Variants in CAMKMT observed in about 807,000 individuals in gnomAD.
The protein encoded by CAMKMT is calmodulin-lysine N-methyltransferase.
In CAMKMT, 53 loss-of-function variants were observed where a neutral mutation model predicts 48.0. The observed-to-expected ratio is 1.10, with a 90% CI of 0.89 to 1.39. CAMKMT has a LOEUF of 1.39. CAMKMT is among the 40% of genes most tolerant of loss of function. The probability of loss-of-function intolerance (pLI) is 0.00; values close to 1 mark genes in which losing one functional copy is unlikely to be tolerated. For synonymous variants in CAMKMT, 165 were observed against 152.3 expected (o/e 1.08, Z -0.61); for missense variants, 428 against 402.7 (o/e 1.06, Z -0.54).
chr2:44,657,064 G>A lies in CAMKMT; in HGVS notation c.377-47219G>A, dbSNP rs1674420440. On this transcript the variant is annotated intron_variant, in intron 3 of 10. Coordinates refer to ENST00000378494, the MANE Select transcript of CAMKMT (RefSeq NM_024766.5). The surrounding 1 kb of genome is among the most constrained non-coding windows in gnomAD (Gnocchi z 4.3). ...GTCACATTAATGTGTTTAACAGGTT[G>A]TTTCAGATATCCTTCAGATATCTGA... Among the ~76,000 whole-genome samples the A allele has an allele frequency of 6.6e-6, 1 of 152,174 alleles. No individual in the cohort carries two copies. The highest frequency in any genetic ancestry group is 1.5e-5 in the Non-Finnish European group (1 of 68,026).
At chr2:44,645,437 G>A (rs1673679338) in intron 3 of CAMKMT, among the ~76,000 whole-genome samples, 1 of 152,120 alleles carries the variant, frequency 6.6e-6, no homozygotes, top group Admixed American at 6.6e-5. Flanking sequence ...CACAGCCCTG[G>A]GCTCTAGGAA....
intron 3 of CAMKMT, among the ~76,000 whole-genome samples, chr2:44,619,097 T>G (rs1672040935): frequency 6.6e-6 from 1 of 152,182 alleles, no homozygotes; most frequent in Non-Finnish European, 1.5e-5. Flanking sequence ...GATGGAAACA[T>G]AGATGTAGTA....
intron 3 of CAMKMT, among the ~76,000 whole-genome samples, chr2:44,655,039 C>T (rs969095170): frequency 6.6e-6 from 1 of 152,062 alleles, no homozygotes; most frequent in African/African-American, 2.4e-5. Flanking sequence ...TCTTGACTCA[C>T]GTGTTCAGTG....
At chr2:44,683,969 C>T (rs558666629) in intron 3 of CAMKMT, among the ~76,000 whole-genome samples, 4 of 152,198 alleles carry the variant, frequency 2.6e-5, no homozygotes, top group Admixed American at 1.3e-4. Context: ...ATGTAGACTT[C>T]CACCATAGTA....
chr2:44,670,289 C>G lies in CAMKMT; in HGVS notation c.377-33994C>G, dbSNP rs374966279. Among the ~76,000 whole-genome samples, 7 of 152,242 alleles carry G rather than the reference C, an allele frequency of 4.6e-5. No individual in the cohort carries two copies. In the South Asian group the frequency reaches 1.2e-3, roughly 27 times the overall value. On this transcript the variant is annotated intron_variant, in intron 3 of 10. Transcript: ENST00000378494. ...GTGGTTCCTGGAGAGCTCATTAAAA[C>G]ACAGACTGGGCTGGGTGTGGTGGCT... is the stretch of plus-strand genomic sequence containing the variant.
intron 3 of CAMKMT, among the ~76,000 whole-genome samples, chr2:44,667,361 C>T (rs1239893575): frequency 2.0e-5 from 3 of 152,192 alleles, no homozygotes; most frequent in Admixed American, 6.5e-5. Flanking sequence ...TCCCTTGCTG[C>T]CCTCTCAGCA....
At position 44,369,007 on chromosome 2, in the gene CAMKMT, T is replaced by G. The variant is rs191000232; in HGVS notation, c.139-3709T>G. 1.2e-4 allele frequency among the ~76,000 whole-genome samples: 18 copies of G among 152,204 alleles called. No individual in the cohort carries two copies. In the East Asian group the frequency reaches 3.1e-3, roughly 26 times the overall value. On this transcript the variant is annotated intron_variant, in intron 1 of 10. Transcript: ENST00000378494. ...CTCAAGCAGTTCTCGTGCCTCAGCC[T>G]CTCAAGAACCTGGGATTACAGGTGC...
intron 3 of CAMKMT, among the ~76,000 whole-genome samples, chr2:44,614,023 C>T (rs888620915): frequency 6.6e-6 from 1 of 152,114 alleles, no homozygotes; most frequent in African/African-American, 2.4e-5. Flanking sequence ...TAGATAAATA[C>T]AAATGTAGAA....
chr2:44,621,281 A>AAATAAAATAAAAAAAAAT (rs1558750197), intron 3 of CAMKMT, among the ~76,000 whole-genome samples: 12 of 151,070 alleles, frequency 7.9e-5, no homozygotes, highest in African/African-American at 2.9e-4. Context: ...AAAAAAAAAA[A>AAATAAAATAAAAAAAAAT]AAAAGCATAA....
chr2:44,685,690 C>A (rs561784516), intron 3 of CAMKMT, among the ~76,000 whole-genome samples: 2 of 152,264 alleles, frequency 1.3e-5, no homozygotes, highest in Admixed American at 6.5e-5. Flanking sequence ...CCTCTGACTT[C>A]TTTGTGGTTC....
intron 3 of CAMKMT, among the ~76,000 whole-genome samples, chr2:44,615,642 T>C (rs569458670): frequency 3.3e-5 from 5 of 152,238 alleles, no homozygotes; most frequent in African/African-American, 1.2e-4. Flanking sequence ...TTGAGGGGCA[T>C]TGGGCATGAT....
intron 3 of CAMKMT, among the ~76,000 whole-genome samples, chr2:44,461,217 C>A (rs1667832820): frequency 6.6e-6 from 1 of 151,984 alleles, no homozygotes; most frequent in Non-Finnish European, 1.5e-5. Flanking sequence ...TTTGTGTATA[C>A]CTCGTTGTAA....
intron 3 of CAMKMT, among the ~76,000 whole-genome samples, chr2:44,594,216 T>A (rs971010820): frequency 6.6e-6 from 1 of 152,118 alleles, no homozygotes; most frequent in Non-Finnish European, 1.5e-5. Context: ...GAGTCAATAT[T>A]GTGAAAATGG....
rs8179847 is a variant in CAMKMT, at chr2:44,553,581, G to A, written c.377-150702G>A. ...TTGCCATATTGGCCAGGCTGATCTCGAATTCCTGGCCTCAAGCCATCTACC... is the reference window on the plus strand; with the variant it reads ...TTGCCATATTGGCCAGGCTGATCTCAAATTCCTGGCCTCAAGCCATCTACC... On this transcript the variant is annotated intron_variant, in intron 3 of 10. Transcript: ENST00000378494. Among the ~76,000 whole-genome samples the A allele has an allele frequency of 9.1e-3, 1,381 of 152,202 alleles. 21 individuals are homozygous for A. The highest frequency in any genetic ancestry group is 0.068 in the East Asian group (354 of 5,182).
chr2:44,604,895 T>C (rs1413247312), intron 3 of CAMKMT, among the ~76,000 whole-genome samples: 1 of 152,154 alleles, frequency 6.6e-6, no homozygotes, highest in Non-Finnish European at 1.5e-5. Flanking sequence ...AATAGGCTGT[T>C]TGTGGCTCAC....
intron 7 of CAMKMT, among the ~76,000 whole-genome samples, chr2:44,731,353 A>G (rs571057793): frequency 3.3e-5 from 5 of 152,150 alleles, no homozygotes; most frequent in Non-Finnish European, 7.4e-5. Flanking sequence ...AAAACAAACA[A>G]ACAAAAAACA....
intron 3 of CAMKMT, among the ~76,000 whole-genome samples, chr2:44,471,025 C>G (rs552269431): frequency 8.9e-6 from 1 of 112,506 alleles, no homozygotes; most frequent in African/African-American, 3.5e-5. Flanking sequence ...GAGACAGTTT[C>G]GCTCTCTCAC....
At chr2:44,488,985 C>A (rs939459317) in intron 3 of CAMKMT, among the ~76,000 whole-genome samples, 1 of 151,768 alleles carries the variant, frequency 6.6e-6, no homozygotes, top group Non-Finnish European at 1.5e-5. Context: ...CCTGTCCCCC[C>A]GTCCTGAGGA....
In CAMKMT at chr2:44,440,827, T is replaced by A. The variant is rs539713879; in HGVS notation, c.376+50522T>A. ...TAATTGTAGAACCTTTTATCCCTTA[T>A]TTTTTTTATTATCCATTTTTAATAT... On this transcript the variant is annotated intron_variant, in intron 3 of 10. Transcript: ENST00000378494. Among the ~76,000 whole-genome samples, 3 of 143,522 alleles carry A rather than the reference T, an allele frequency of 2.1e-5. No individual in the cohort carries two copies. In the East Asian group the frequency reaches 5.8e-4, roughly 28 times the overall value. 94.2% of individuals were successfully genotyped at this position (143,522 alleles called of 152,430 possible). A position where few individuals can be genotyped will look rare whatever the true frequency, so the allele number is the denominator to read the frequency against.
Sources: allele counts gnomAD v4.1 joint callset (sites outside exome capture counted in the v4.1 genomes callset), GRCh38; gene constraint gnomAD v4.1.1; non-coding constraint Gnocchi (gnomAD v3.1); transcripts MANE v1.5; gene names NCBI Gene and HGNC (gene_info 2026-07-23, HGNC 2026-07-21).